CASR: variants seen among roughly 807,000 people sequenced by gnomAD.
CASR encodes extracellular calcium-sensing receptor.
Under a neutral mutation model 69.1 loss-of-function variants are expected in CASR, and 23 were observed. That is an observed-to-expected ratio of 0.33 (90% CI 0.24 to 0.47). The LOEUF (loss-of-function observed/expected upper bound fraction) is 0.47. Ranked by LOEUF, CASR falls within the 20% of genes least tolerant of loss-of-function variation. CASR has a pLI of 1.00. For synonymous variants in CASR, 541 were observed against 544.7 expected, an observed-to-expected ratio of 0.99 and a Z score of 0.10; for missense variants, 924 against 1,356.1, an observed-to-expected ratio of 0.68 and a Z score of 5.00.
At chr3:122,202,305 G>C (rs2073964205) in intron 1 of CASR, among the ~76,000 whole-genome samples, 3 of 152,238 alleles carry the variant, frequency 2.0e-5, no homozygotes, top group African/African-American at 2.4e-5. Flanking sequence ...GCAATGGCAG[G>C]CACTGGGCAG....
chr3:122,242,024 G>A (rs1230170443), intron 1 of CASR, among the ~76,000 whole-genome samples: 3 of 152,006 alleles, frequency 2.0e-5, no homozygotes, highest in East Asian at 1.9e-4. Context: ...ATACATGGAC[G>A]TAATTCAACA....
At position 122,282,246 on chromosome 3, in the gene CASR, C is replaced by T. The variant is rs201859314; in HGVS notation, c.1732+10C>T. 1.2e-5 allele frequency: 19 copies of T among 1,613,952 alleles called. No homozygotes were observed. The highest frequency in any genetic ancestry group is 1.6e-5 in the Non-Finnish European group (19 of 1,179,872). The stretch of plus-strand genomic sequence containing the variant: ...TATAGTGATGAGACAGGTAAGGGAA[C>T]CCCTCTTGGGCACTGTGCAGGGCTT... On this transcript the variant is annotated intron_variant, in intron 6 of 6. Coordinates refer to ENST00000639785, the MANE Select transcript of CASR (RefSeq NM_000388.4).
At chr3:122,242,401 AAAAT>A (rs1404022669) in intron 1 of CASR, among the ~76,000 whole-genome samples, 2 of 152,142 alleles carry the variant, frequency 1.3e-5, no homozygotes, top group African/African-American at 4.8e-5. Flanking sequence ...AACAACTTAA[AAAAT>A]AAATCAAAAA....
In CASR at chr3:122,286,353, GCTT is replaced by G. The variant is rs2074969756; in HGVS notation, c.*1167_*1169del. ...GGAACCTTAACCTCTCTAAGCCACA[GCTT>G]CTTCATCTTTAAAATAAGGATAATA... On this transcript the variant is annotated 3_prime_UTR_variant, in exon 7 of 7. Transcript: ENST00000639785. 7 of 152,288 alleles carry G rather than the reference GCTT, an allele frequency of 4.6e-5. No individual in the cohort carries two copies. The South Asian group carries it at 1.2e-3, about 27-fold the overall frequency. The allele number at this position is 152,288 out of a possible 1,614,324, so 9.4% of individuals were successfully genotyped here.
At chr3:122,282,008 T>G in intron 5 of CASR, 105 bp from the exon 6 acceptor site, 1 of 1,542,538 alleles carries the variant, frequency 6.5e-7, no homozygotes, top group South Asian at 1.1e-5. Context: ...GTCACACTGA[T>G]TCTTGTGCCC....
rs2074983109 is a variant in CASR at position 122,287,782 on chromosome 3, A to G, written c.*2591A>G. ...CCAGTCGGTCCCTGTGGGGCCTGCT[A>G]GCTCTTGCAGCTACCTCCATGCTCA... On this transcript the variant is annotated 3_prime_UTR_variant, in exon 7 of 7. Coordinates refer to ENST00000639785, the MANE Select transcript of CASR (RefSeq NM_000388.4). 1 of 152,306 alleles carries G rather than the reference A, an allele frequency of 6.6e-6. No homozygotes were observed. Among genetic ancestry groups the G allele is most frequent in the East Asian group, 1.9e-4 (1 of 5,196 alleles). 9.4% of individuals were successfully genotyped at this position (152,306 alleles called of 1,614,324 possible).
At chr3:122,251,555 A>G (rs2074483747) in intron 1 of CASR, among the ~76,000 whole-genome samples, 3 of 152,232 alleles carry the variant, frequency 2.0e-5, no homozygotes, top group Non-Finnish European at 2.9e-5. Flanking sequence ...GACATCTGAA[A>G]GCTCAAAGAT....
At position 122,291,337 on chromosome 3, in the gene CASR, G is replaced by C. The variant is rs1270470925; in HGVS notation, c.*6146G>C. 2.0e-5 allele frequency: 3 copies of C among 151,274 alleles called. No homozygotes were observed. Among genetic ancestry groups the C allele is most frequent in the Admixed American group, 6.6e-5 (1 of 15,148 alleles). The allele number at this position is 151,274 out of a possible 1,614,324, so 9.4% of individuals were successfully genotyped here. Reference sequence around the variant, plus strand: ...TCCACAATGGTTGAACTAGTTTACAGTCCCACCAACAGTGTAAAAGTGTTC... The same window carrying C: ...TCCACAATGGTTGAACTAGTTTACACTCCCACCAACAGTGTAAAAGTGTTC... On this transcript the variant is annotated 3_prime_UTR_variant, in exon 7 of 7. Transcript: ENST00000639785.
At chr3:122,212,061 T>C (rs1021057538) in intron 1 of CASR, among the ~76,000 whole-genome samples, 1 of 152,358 alleles carries the variant, frequency 6.6e-6, no homozygotes, top group South Asian at 2.1e-4. Context: ...TTACTGAGTA[T>C]ATACCCAAAG....
Position 122,284,219 on chromosome 3 carries a change from G to C in CASR, c.2265G>C (p.Glu755Asp). 6.2e-7 allele frequency: 1 copy of C among 1,614,076 alleles called. No individual in the cohort carries two copies. ...CCCCGTCAAGCTACCGCAACCAGGA[G>C]CTGGAGGATGAGATCATCTTCATCA... ...TAPPSSYRNQ[E>D]LEDEIIFITC... The change falls in exon 7 of 7, where the codon GAG becomes GAC. Residue 755 changes from glutamate (E) to aspartate (D), a missense_variant. By Grantham distance (45) the Glu-to-Asp change is conservative. Coordinates refer to ENST00000639785, the MANE Select transcript of CASR (RefSeq NM_000388.4).
intron 4 of CASR, 41 bp downstream of exon 4, chr3:122,262,453 G>A (rs776181006): frequency 6.3e-6 from 10 of 1,576,962 alleles, no homozygotes; most frequent in African/African-American, 5.4e-5. Context: ...GTATAATAAA[G>A]CAGAGTTGGG....
intron 1 of CASR, among the ~76,000 whole-genome samples, chr3:122,228,042 C>G (rs531899818): frequency 2.0e-5 from 3 of 152,206 alleles, no homozygotes; most frequent in Admixed American, 1.3e-4. Flanking sequence ...GAGGGAGGAG[C>G]AGATTCGAAT....
intron 1 of CASR, among the ~76,000 whole-genome samples, chr3:122,186,050 A>C (rs545077191): frequency 6.6e-6 from 1 of 152,164 alleles, no homozygotes; most frequent in African/African-American, 2.4e-5. Flanking sequence ...TAAGTGAAAA[A>C]AAAAAATCAG....
intron 1 of CASR, among the ~76,000 whole-genome samples, chr3:122,219,469 C>G (rs2074150049): frequency 6.6e-6 from 1 of 152,192 alleles, no homozygotes; most frequent in Non-Finnish European, 1.5e-5. Flanking sequence ...GGACCAAACC[C>G]AGCACCAGAG....
chr3:122,272,657 C>T (rs2074773598), intron 4 of CASR, among the ~76,000 whole-genome samples: 1 of 152,176 alleles, frequency 6.6e-6, no homozygotes, highest in Non-Finnish European at 1.5e-5. Context: ...TTATGTCGTG[C>T]ATTTTATCCC....
chr3:122,232,249 C>T (rs2074285685), intron 1 of CASR, among the ~76,000 whole-genome samples: 1 of 152,060 alleles, frequency 6.6e-6, no homozygotes, highest in South Asian at 2.1e-4. Context: ...CCTGAGTATG[C>T]CAGCAATGAA....
chr3:122,289,950 A>T lies in CASR; in HGVS notation c.*4759A>T, dbSNP rs2074997556. 1 of 151,644 alleles carries T rather than the reference A, an allele frequency of 6.6e-6. No individual in the cohort carries two copies. Among genetic ancestry groups the T allele is most frequent in the African/African-American group, 2.4e-5 (1 of 41,236 alleles). The allele number at this position is 151,644 out of a possible 1,614,324, so 9.4% of individuals were successfully genotyped here. ...AAAAAAAACAGCTGGACATGGTGGC[A>T]TGCGCCTGTAGTGGCAGATAACTCA... is the stretch of plus-strand genomic sequence containing the variant. On this transcript the variant is annotated 3_prime_UTR_variant, in exon 7 of 7. Coordinates refer to ENST00000639785, the MANE Select transcript of CASR (RefSeq NM_000388.4).
chr3:122,224,656 C>T (rs373825892), intron 1 of CASR, among the ~76,000 whole-genome samples: 1 of 152,030 alleles, frequency 6.6e-6, no homozygotes, highest in East Asian at 1.9e-4. Flanking sequence ...CCTATCAAAC[C>T]ACCACCATTA....
At chr3:122,277,888 G>A (rs576070098) in intron 5 of CASR, among the ~76,000 whole-genome samples, 12 of 152,252 alleles carry the variant, frequency 7.9e-5, no homozygotes, top group Non-Finnish European at 1.8e-4. Flanking sequence ...ATAACACAGG[G>A]AATTCTCATT....
Sources: gnomAD v4.1 joint callset for allele counts (sites outside exome capture counted in the v4.1 genomes callset) on GRCh38, gnomAD v4.1.1 for gene constraint, MANE v1.5 for transcripts, NCBI Gene and HGNC (gene_info 2026-07-23, HGNC 2026-07-21) for gene names.